Variants in ASCC2 observed in about 807,000 individuals in gnomAD.
The protein encoded by ASCC2 is activating signal cointegrator 1 complex subunit 2, also known as ASC-1 complex subunit P100.
ASCC2 carries 42 observed loss-of-function variants against 93.5 expected under a neutral mutation model. That is an observed-to-expected ratio of 0.45 (90% CI 0.35 to 0.58). The LOEUF (loss-of-function observed/expected upper bound fraction) is 0.58. ASCC2 is among the 20% of genes least tolerant of loss of function. ASCC2 has a pLI of 0.00. For synonymous variants in ASCC2, 364 were observed against 384.2 expected, an observed-to-expected ratio of 0.95 and a Z score of 0.62; for missense variants, 859 against 977.6, an observed-to-expected ratio of 0.88 and a Z score of 1.62.
rs368981307 is a variant in ASCC2 at position 29,803,871 on chromosome 22, T to C, written c.1353+767A>G. 5.3e-5 allele frequency among the ~76,000 whole-genome samples: 8 copies of C among 152,304 alleles called. No individual in the cohort carries two copies. The East Asian group carries it at 1.5e-3, about 29-fold the overall frequency. On this transcript the variant is annotated intron_variant, in intron 13 of 19. Coordinates refer to ENST00000307790, the MANE Select transcript of ASCC2 (RefSeq NM_032204.5). ...CTGGGAGGAAGGACTGTGGCATTTG[T>C]TAATGGAGCACTGAAGGCCAGTCAG...
At chr22:29,830,048 G>T (rs2062930192) in intron 2 of ASCC2, among the ~76,000 whole-genome samples, 1 of 152,138 alleles carries the variant, frequency 6.6e-6, no homozygotes, top group South Asian at 2.1e-4. Flanking sequence ...CAGTCTGCCA[G>T]CAAGACCCCT....
At chr22:29,792,296 T>C in intron 18 of ASCC2, 137 bp downstream of exon 18, 1 of 1,464,776 alleles carries the variant, frequency 6.8e-7, no homozygotes, top group Non-Finnish European at 9.1e-7. Context: ...CATCCTGGGC[T>C]CAAAGGGACT....
chr22:29,837,025 G>T (rs943015127), intron 1 of ASCC2, among the ~76,000 whole-genome samples: 1 of 152,234 alleles, frequency 6.6e-6, no homozygotes, highest in Non-Finnish European at 1.5e-5. Flanking sequence ...CCATGATGTA[G>T]CTATGTAGAT....
In ASCC2 at chr22:29,825,888, C is replaced by G. The variant is rs906654564; in HGVS notation, c.82-108G>C. ...TTGGCTGTTCCAACCGGTGACCCTC[C>G]AAGGAGCTTTTAAGCATAAAGAACC... On this transcript the variant is annotated intron_variant, in intron 2 of 19. Transcript: ENST00000307790. This position sits in a 1 kb window ranked among gnomAD's most constrained non-coding sequence, Gnocchi z 4.9. 5 of 1,345,376 alleles carry G rather than the reference C, an allele frequency of 3.7e-6. No homozygotes were observed. The highest frequency in any genetic ancestry group is 5.1e-6 in the Non-Finnish European group (5 of 979,402). 83.3% of individuals were successfully genotyped at this position (1,345,376 alleles called of 1,614,324 possible). A position where few individuals can be genotyped will look rare whatever the true frequency, so the allele number is the denominator to read the frequency against.
chr22:29,821,994 G>GTT, intron 5 of ASCC2: 1 of 436,354 alleles, frequency 2.3e-6, no homozygotes, highest in Non-Finnish European at 4.5e-6. Context: ...GCAAGGCTTT[G>GTT]TCTTTTTTCT....
chr22:29,793,386 G>C lies in ASCC2; in HGVS notation c.1893C>G (p.Asp631Glu). The change falls in exon 17 of 20, where the codon GAC becomes GAG. Residue 631 changes from aspartate to glutamate, a missense_variant. Transcript: ENST00000307790. ...DGNQVGANDADSDDELISRRP... is the reference protein window; with the variant it reads ...DGNQVGANDAESDDELISRRP... ...TGCGGCTGATGAGCTCGTCATCAGA[G>C]TCTGCATCATTGGCGCCCACCTGGT... 3 of 1,613,958 alleles carry C rather than the reference G, an allele frequency of 1.9e-6. No homozygotes were observed. The highest frequency in any genetic ancestry group is 2.5e-6 in the Non-Finnish European group (3 of 1,180,038).
chr22:29,832,333 C>A lies in ASCC2; in HGVS notation c.-8G>T, dbSNP rs559744630. ...CAGGGGCAGAGCTGGCATTGTGCTG[C>A]GTGACCCTCCTGAAAGGAATATGGA... is the stretch of plus-strand genomic sequence containing the variant. On this transcript the variant is annotated 5_prime_UTR_variant, in exon 2 of 20. Coordinates refer to ENST00000307790, the MANE Select transcript of ASCC2 (RefSeq NM_032204.5). 1 of 1,611,266 alleles carries A rather than the reference C, an allele frequency of 6.2e-7. No individual in the cohort carries two copies. Among genetic ancestry groups the A allele is most frequent in the African/African-American group, 1.3e-5 (1 of 74,908 alleles).
chr22:29,790,413 G>A, intron 19 of ASCC2, 56 bp downstream of exon 19: 2 of 1,589,152 alleles, frequency 1.3e-6, no homozygotes, highest in Non-Finnish European at 1.7e-6. Flanking sequence ...TGGCTGGCTA[G>A]GCCCTCCCCA....
At chr22:29,815,886 G>A (rs567402351) in intron 6 of ASCC2, 120 bp downstream of exon 6, 19 of 801,986 alleles carry the variant, frequency 2.4e-5, no homozygotes, top group Non-Finnish European at 3.1e-5. Context: ...GGGGAGATGC[G>A]AGAGTCAGGG....
At chr22:29,831,052 T>C (rs576090237) in intron 2 of ASCC2, among the ~76,000 whole-genome samples, 85 of 152,332 alleles carry the variant, frequency 5.6e-4, no homozygotes, top group African/African-American at 1.9e-3. Flanking sequence ...CATGGGGCTA[T>C]TTTAATTTAA....
intron 15 of ASCC2, among the ~76,000 whole-genome samples, chr22:29,800,451 A>G (rs2058953699): frequency 6.6e-6 from 1 of 152,222 alleles, no homozygotes; most frequent in East Asian, 1.9e-4. Context: ...TAATTAATCC[A>G]GAGCCTAGAA....
In ASCC2 at chr22:29,801,126, A is replaced by G; in HGVS notation, c.1569-16T>C. On this transcript the variant is annotated splice_polypyrimidine_tract_variant and intron_variant, in intron 14 of 19. Transcript: ENST00000307790. ...TTTCATTTCTCTGGGTGGGGGACAC[A>G]GAGATCAATTTAAGGGGGCCCTGCC... is the stretch of plus-strand genomic sequence containing the variant. 1 of 1,583,034 alleles carries G rather than the reference A, an allele frequency of 6.3e-7. No individual in the cohort carries two copies. Among genetic ancestry groups the G allele is most frequent in the Non-Finnish European group, 8.6e-7 (1 of 1,156,174 alleles).
At chr22:29,816,142 A>C (rs1255398364) in intron 5 of ASCC2, 69 bp from the exon 6 acceptor site, 7 of 1,291,894 alleles carry the variant, frequency 5.4e-6, no homozygotes, top group Non-Finnish European at 7.7e-6. Context: ...AGGACACATT[A>C]CAAATGGTTG....
intron 8 of ASCC2, among the ~76,000 whole-genome samples, chr22:29,812,328 C>T (rs943723193): frequency 1.3e-5 from 2 of 152,200 alleles, no homozygotes; most frequent in Non-Finnish European, 2.9e-5. Flanking sequence ...AGGCAATACG[C>T]AGGTTGCCAA....
intron 4 of ASCC2, among the ~76,000 whole-genome samples, chr22:29,823,318 C>T (rs951127531): frequency 1.3e-5 from 2 of 152,206 alleles, no homozygotes; most frequent in Admixed American, 6.5e-5. Context: ...GGATTACAGG[C>T]ATGAGCTACC....
chr22:29,791,400 C>A (rs1414334521), intron 18 of ASCC2, among the ~76,000 whole-genome samples: 1 of 152,086 alleles, frequency 6.6e-6, no homozygotes, highest in East Asian at 1.9e-4. Flanking sequence ...AAGAAGAAGG[C>A]TGGGTGTGGT....
At chr22:29,807,117 T>C (rs1003391442) in intron 9 of ASCC2, among the ~76,000 whole-genome samples, 2 of 151,038 alleles carry the variant, frequency 1.3e-5, no homozygotes, top group Non-Finnish European at 2.9e-5. Flanking sequence ...GATGCAGGCC[T>C]GTAGTTCCAG....
chr22:29,804,278 T>C (rs1219036349), intron 13 of ASCC2, among the ~76,000 whole-genome samples: 1 of 152,218 alleles, frequency 6.6e-6, no homozygotes, highest in Non-Finnish European at 1.5e-5. Flanking sequence ...CCATGGGACT[T>C]GGCACTGTTC....
At chr22:29,810,516 CA>C (rs1440821071) in intron 8 of ASCC2, among the ~76,000 whole-genome samples, 4 of 152,136 alleles carry the variant, frequency 2.6e-5, no homozygotes, top group Admixed American at 6.6e-5. Context: ...AGAAAAATGA[CA>C]GAGAGGGCAG....
Sources: gnomAD v4.1 joint callset for allele counts (sites outside exome capture counted in the v4.1 genomes callset) on GRCh38, gnomAD v4.1.1 for gene constraint, Gnocchi (gnomAD v3.1) non-coding constraint, MANE v1.5 for transcripts, NCBI Gene and HGNC (gene_info 2026-07-23, HGNC 2026-07-21) for gene names.